Variants in SORCS2 observed in about 807,000 individuals in gnomAD.
SORCS2 encodes the protein VPS10 domain-containing receptor SorCS2.
Under a neutral mutation model 141.6 loss-of-function variants are expected in SORCS2, and 100 were observed. The ratio of observed to expected loss-of-function variants is 0.71; its 90% CI spans 0.60 to 0.83. The LOEUF (loss-of-function observed/expected upper bound fraction) is 0.83, where lower values mean the gene tolerates loss of function less well. SORCS2 is among the 40% of genes least tolerant of loss of function. The pLI is 0.00. For synonymous variants in SORCS2, 789 were observed against 676.9 expected, an observed-to-expected ratio of 1.17 and a Z score of -2.57; for missense variants, 1,646 against 1,560.2, an observed-to-expected ratio of 1.05 and a Z score of -0.93.
intron 3 of SORCS2, among the ~76,000 whole-genome samples, chr4:7,580,584 GAT>G (rs1716077034): frequency 6.6e-6 from 1 of 152,094 alleles, no homozygotes; most frequent in South Asian, 2.1e-4. Context: ...AAGTTTCAGG[GAT>G]ATATTAATGG....
intron 1 of SORCS2, among the ~76,000 whole-genome samples, chr4:7,259,477 G>C (rs1235602675): frequency 2.0e-5 from 3 of 152,094 alleles, no homozygotes; most frequent in African/African-American, 7.2e-5. Context: ...TTGCTGTGCT[G>C]AGGGCGCTCT....
At chr4:7,539,566 C>T (rs907378482) in intron 3 of SORCS2, among the ~76,000 whole-genome samples, 13 of 152,306 alleles carry the variant, frequency 8.5e-5, no homozygotes, top group Non-Finnish European at 1.8e-4. Flanking sequence ...CCTCTCCCTC[C>T]CTCCTTGTTT....
intron 2 of SORCS2, among the ~76,000 whole-genome samples, chr4:7,519,694 G>A (rs1373427672): frequency 1.3e-5 from 2 of 152,194 alleles, no homozygotes; most frequent in African/African-American, 4.8e-5. Flanking sequence ...TGCTTCCTTA[G>A]CCAGCACTGG....
intron 3 of SORCS2, among the ~76,000 whole-genome samples, chr4:7,633,666 C>T (rs73202507): frequency 0.13 from 20,151 of 152,174 alleles, 1,423 homozygotes; most frequent in Non-Finnish European, 0.16. Flanking sequence ...TTTTGCTCTC[C>T]AGGCTACTTA....
chr4:7,224,390 C>T (rs1038583823), intron 1 of SORCS2, among the ~76,000 whole-genome samples: 5 of 152,130 alleles, frequency 3.3e-5, no homozygotes, highest in East Asian at 1.9e-4. Context: ...TGAGAGGAGG[C>T]GGGGCTGGGA....
intron 2 of SORCS2, among the ~76,000 whole-genome samples, chr4:7,418,182 C>A (rs1433853951): frequency 6.6e-6 from 1 of 152,190 alleles, no homozygotes; most frequent in African/African-American, 2.4e-5. Context: ...GTACCCTAGA[C>A]TCCGGAGATT....
chr4:7,273,354 G>A (rs563769130), intron 1 of SORCS2, among the ~76,000 whole-genome samples: 20 of 152,190 alleles, frequency 1.3e-4, no homozygotes, highest in South Asian at 6.2e-4. Flanking sequence ...TCCTTGTCTC[G>A]GTCCTCCCTC....
intron 3 of SORCS2, among the ~76,000 whole-genome samples, chr4:7,591,642 C>G (rs1010949961): frequency 2.6e-5 from 4 of 152,224 alleles, no homozygotes; most frequent in Non-Finnish European, 4.4e-5. Context: ...CTTTTGAATT[C>G]CGGCTCACGA....
intron 1 of SORCS2, among the ~76,000 whole-genome samples, chr4:7,205,576 T>C (rs566797793): frequency 7.9e-5 from 12 of 152,344 alleles, no homozygotes; most frequent in African/African-American, 2.9e-4. Flanking sequence ...GTGATTTCTG[T>C]TGGTGACACT....
intron 2 of SORCS2, among the ~76,000 whole-genome samples, chr4:7,471,273 G>A (rs1030131498): frequency 1.5e-4 from 23 of 152,184 alleles, no homozygotes; most frequent in African/African-American, 5.5e-4. Context: ...CAGATTTCAC[G>A]GAACACATTT....
chr4:7,719,538 C>T (rs1383763356), intron 18 of SORCS2, among the ~76,000 whole-genome samples: 1 of 152,126 alleles, frequency 6.6e-6, no homozygotes, highest in Admixed American at 6.5e-5. Flanking sequence ...AGACCTGAGC[C>T]GTTCCCTGGT....
In SORCS2 at chr4:7,604,594, C is replaced by T. The variant is rs545175245; in HGVS notation, c.649-33734C>T. On this transcript the variant is annotated intron_variant, in intron 3 of 26. Coordinates refer to ENST00000507866, the MANE Select transcript of SORCS2 (RefSeq NM_020777.3). ...GATTACAGGCATGAGCCGCCGCGCC[C>T]GGCCTATGGTGATGGTTTTAAAAGC... is the stretch of plus-strand genomic sequence containing the variant. Among the ~76,000 whole-genome samples the T allele has an allele frequency of 2.9e-4, 44 of 152,306 alleles. No homozygotes were observed. The East Asian group carries it at 6.0e-3, about 21-fold the overall frequency.
intron 3 of SORCS2, among the ~76,000 whole-genome samples, chr4:7,576,178 G>A (rs1231284876): frequency 6.6e-6 from 1 of 152,218 alleles, no homozygotes; most frequent in African/African-American, 2.4e-5. Context: ...TTCTCCTTCT[G>A]ACCAAAGCCA....
intron 2 of SORCS2, among the ~76,000 whole-genome samples, chr4:7,487,566 G>A (rs947611465): frequency 6.6e-5 from 10 of 152,194 alleles, no homozygotes; most frequent in Admixed American, 2.0e-4. Context: ...TAGAGAGAGC[G>A]CGCTGCATGC....
At chr4:7,613,937 A>C (rs1718586476) in intron 3 of SORCS2, among the ~76,000 whole-genome samples, 1 of 151,792 alleles carries the variant, frequency 6.6e-6, no homozygotes, top group African/African-American at 2.4e-5. Flanking sequence ...TCACTCATCC[A>C]TTCATTCATT....
At chr4:7,544,845 C>A (rs1040147564) in intron 3 of SORCS2, among the ~76,000 whole-genome samples, 12 of 152,188 alleles carry the variant, frequency 7.9e-5, no homozygotes, top group African/African-American at 2.7e-4. Context: ...GAGGGCTGTT[C>A]CTGTGAGGGG....
At chr4:7,228,394 G>A (rs1711569281) in intron 1 of SORCS2, among the ~76,000 whole-genome samples, 1 of 152,216 alleles carries the variant, frequency 6.6e-6, no homozygotes, top group Non-Finnish European at 1.5e-5. Context: ...ACAGTCACCT[G>A]CATGTGTCCG....
intron 8 of SORCS2, among the ~76,000 whole-genome samples, chr4:7,671,621 C>G (rs568333008): frequency 6.6e-6 from 1 of 152,094 alleles, no homozygotes; most frequent in Non-Finnish European, 1.5e-5. Context: ...AAGAAGGAAT[C>G]TGAGAACTTA....
intron 2 of SORCS2, among the ~76,000 whole-genome samples, chr4:7,476,278 T>G (rs1442046891): frequency 6.6e-6 from 1 of 152,170 alleles, no homozygotes; most frequent in Non-Finnish European, 1.5e-5. Context: ...AGAACTTGGC[T>G]CATGCAATTG....
Sources: allele counts gnomAD v4.1 joint callset (sites outside exome capture counted in the v4.1 genomes callset), GRCh38; gene constraint gnomAD v4.1.1; transcripts MANE v1.5; gene names NCBI Gene and HGNC (gene_info 2026-07-23, HGNC 2026-07-21).